The following LPAR3 variants were observed in gnomAD, a reference collection of about 807,000 sequenced individuals.
LPAR3 encodes lysophosphatidic acid receptor 3, also known as LPA receptor 3.
A neutral mutation model predicts 17.8 loss-of-function variants in LPAR3; 7 were observed. The observed-to-expected ratio is 0.39, with a 90% confidence interval of 0.22 to 0.74. The LOEUF (loss-of-function observed/expected upper bound fraction) is 0.74. Ranked by LOEUF, LPAR3 falls within the 30% of genes least tolerant of loss-of-function variation. The pLI, the probability that LPAR3 is intolerant of heterozygous loss-of-function variation, is 0.40. For synonymous variants in LPAR3, 179 were observed against 179.9 expected (o/e 0.99, Z 0.04); for missense variants, 391 against 453.4 (o/e 0.86, Z 1.25).
intron 2 of LPAR3, among the ~76,000 whole-genome samples, chr1:84,828,466 CTG>C (rs1659210689): frequency 6.6e-6 from 1 of 152,152 alleles, no homozygotes; most frequent in Non-Finnish European, 1.5e-5. Flanking sequence ...TAATATAACA[CTG>C]TCTTTGTTTT....
At chr1:84,836,363 T>C (rs373917467) in intron 2 of LPAR3, among the ~76,000 whole-genome samples, 4 of 147,060 alleles carry the variant, frequency 2.7e-5, no homozygotes, top group African/African-American at 1.0e-4. Flanking sequence ...AAAAACCCAT[T>C]CTGCAATTTT....
In LPAR3 at chr1:84,865,995, CA is replaced by C. The variant is rs754559864; in HGVS notation, c.125del (p.Leu42ArgfsTer14). On this transcript the variant is annotated frameshift_variant, in exon 2 of 3. Coordinates refer to ENST00000370611, the MANE Select transcript of LPAR3 (RefSeq NM_012152.3). LOFTEE classifies it high-confidence loss of function. ...CCAGAGAATTAGAAAAAAAAATAAACAGGCAGAAAAACGTCCCAACACACAA... is the reference window on the plus strand; with the variant it reads ...CCAGAGAATTAGAAAAAAAAATAAACGGCAGAAAAACGTCCCAACACACAA... ...IVLCVGTFFC[L>X]FIFFSNSLVI... 1 of 1,614,056 alleles carries C rather than the reference CA, an allele frequency of 6.2e-7. No homozygotes were observed.
intron 2 of LPAR3, among the ~76,000 whole-genome samples, chr1:84,843,758 C>T (rs765741873): frequency 6.6e-5 from 10 of 152,224 alleles, no homozygotes; most frequent in South Asian, 2.1e-4. Flanking sequence ...TTATCCTCTC[C>T]GGTAAATCAA....
intron 2 of LPAR3, among the ~76,000 whole-genome samples, chr1:84,816,871 C>CTGT (rs888496237): frequency 1.6e-4 from 25 of 152,290 alleles, no homozygotes; most frequent in African/African-American, 5.1e-4. Context: ...CAAACTCTGC[C>CTGT]TGTTGTACTC....
chr1:84,837,328 T>C (rs535876145), intron 2 of LPAR3, among the ~76,000 whole-genome samples: 2 of 152,366 alleles, frequency 1.3e-5, no homozygotes, highest in African/African-American at 4.8e-5. Flanking sequence ...GCTACTTTAA[T>C]TTTTAAAAAC....
chr1:84,884,665 C>T (rs560377065), intron 1 of LPAR3, among the ~76,000 whole-genome samples: 5 of 152,316 alleles, frequency 3.3e-5, no homozygotes, highest in African/African-American at 1.2e-4. Context: ...AAGCATTTTA[C>T]TTTCCCCATC....
intron 1 of LPAR3, among the ~76,000 whole-genome samples, chr1:84,890,500 G>C (rs2102776871): frequency 6.6e-6 from 1 of 152,258 alleles, no homozygotes; most frequent in African/African-American, 2.4e-5. Context: ...TTACAGATGA[G>C]GAAATTAAGA....
At chr1:84,888,294 C>G (rs570508349) in intron 1 of LPAR3, among the ~76,000 whole-genome samples, 1 of 152,188 alleles carries the variant, frequency 6.6e-6, no homozygotes, top group East Asian at 1.9e-4. Context: ...TTCTCTTCAC[C>G]AGACCCATGT....
Position 84,856,026 on chromosome 1 carries a change from G to T in LPAR3, c.736+9359C>A, listed in dbSNP as rs187253635. On this transcript the variant is annotated intron_variant, in intron 2 of 2. Transcript: ENST00000370611. ...GGTCATCTCAGTCCCCACGTTCCCC[G>T]TCAGAACAGGAAGGGATGTGTCAAA... Among the ~76,000 whole-genome samples, 3 of 152,218 alleles carry T rather than the reference G, an allele frequency of 2.0e-5. No homozygotes were observed. The East Asian group carries it at 5.8e-4, about 29-fold the overall frequency.
At chr1:84,853,131 A>T (rs958717126) in intron 2 of LPAR3, among the ~76,000 whole-genome samples, 1 of 151,920 alleles carries the variant, frequency 6.6e-6, no homozygotes. Flanking sequence ...AACCAAGAAC[A>T]AAAGTCTGGT....
At chr1:84,823,137 T>G (rs1302876795) in intron 2 of LPAR3, among the ~76,000 whole-genome samples, 6 of 152,210 alleles carry the variant, frequency 3.9e-5, no homozygotes, top group Non-Finnish European at 7.4e-5. Context: ...TCTTCTTATT[T>G]GAAAAGGAAT....
intron 2 of LPAR3, among the ~76,000 whole-genome samples, chr1:84,832,531 G>T (rs1659304964): frequency 6.6e-6 from 1 of 152,130 alleles, no homozygotes; most frequent in Non-Finnish European, 1.5e-5. Flanking sequence ...AAGAAGATAG[G>T]GTGTAGGGGC....
intron 2 of LPAR3, among the ~76,000 whole-genome samples, chr1:84,823,859 G>A (rs1659100936): frequency 6.6e-6 from 1 of 152,212 alleles, no homozygotes; most frequent in African/African-American, 2.4e-5. Flanking sequence ...TGTACTGACA[G>A]AGTAGCAGCT....
At chr1:84,857,250 G>A (rs1033517703) in intron 2 of LPAR3, among the ~76,000 whole-genome samples, 5 of 152,152 alleles carry the variant, frequency 3.3e-5, no homozygotes, top group African/African-American at 7.2e-5. Context: ...TCAAACTAAG[G>A]TCTAAGAGTA....
intron 1 of LPAR3, among the ~76,000 whole-genome samples, chr1:84,880,390 G>A (rs7538200): frequency 0.016 from 2,477 of 152,302 alleles, 66 homozygotes; most frequent in African/African-American, 0.057. Flanking sequence ...CAGAAACGGA[G>A]GGCCTTGGAG....
intron 1 of LPAR3, among the ~76,000 whole-genome samples, chr1:84,878,414 C>T (rs1660297030): frequency 6.6e-6 from 1 of 152,118 alleles, no homozygotes; most frequent in Non-Finnish European, 1.5e-5. Context: ...GCCCTCTCTT[C>T]TTTTCCCTTT....
chr1:84,865,437 G>T lies in LPAR3; in HGVS notation c.684C>A (p.Ile228=). 1 of 1,614,156 alleles carries T rather than the reference G, an allele frequency of 6.2e-7. No individual in the cohort carries two copies. Among genetic ancestry groups the T allele is most frequent in the South Asian group, 1.1e-5 (1 of 91,066 alleles). Reference sequence around the variant, plus strand: ...GCTTCATGGGTGTCCTCCGGCGGCTGATGGACCCACTTGTATGCGGAGACA... The same window carrying T: ...GCTTCATGGGTGTCCTCCGGCGGCTTATGGACCCACTTGTATGCGGAGACA... The part of the protein sequence containing the change: ...NVLSPHTSGS[I]SRRRTPMKLM... Residue 228 remains isoleucine (I), a synonymous_variant, in exon 2 of 3, where the codon ATC becomes ATA. Transcript: ENST00000370611.
chr1:84,873,267 A>G (rs1660191013), intron 1 of LPAR3, among the ~76,000 whole-genome samples: 1 of 152,236 alleles, frequency 6.6e-6, no homozygotes, highest in South Asian at 2.1e-4. Flanking sequence ...ATACCACAGT[A>G]ATGTAAGATT....
chr1:84,824,766 G>A (rs1322221699), intron 2 of LPAR3, among the ~76,000 whole-genome samples: 1 of 152,166 alleles, frequency 6.6e-6, no homozygotes, highest in Non-Finnish European at 1.5e-5. Context: ...AGCAGATCTG[G>A]GAGAGTATTT....
Sources: gnomAD v4.1 joint callset for allele counts (sites outside exome capture counted in the v4.1 genomes callset) on GRCh38, gnomAD v4.1.1 for gene constraint, MANE v1.5 for transcripts, NCBI Gene and HGNC (gene_info 2026-07-23, HGNC 2026-07-21) for gene names.